The following LLGL1 variants were observed in gnomAD, a reference collection of about 807,000 sequenced individuals.
LLGL1 encodes lethal(2) giant larvae protein homolog 1.
Under a neutral mutation model 110.6 loss-of-function variants are expected in LLGL1, and 58 were observed. The observed-to-expected ratio is 0.52, with a 90% CI of 0.42 to 0.65. The LOEUF (loss-of-function observed/expected upper bound fraction) is 0.65. Ranked by LOEUF, LLGL1 falls within the 30% of genes least tolerant of loss-of-function variation. The pLI is 0.00. For missense variants in LLGL1, 1,229 were observed against 1,462.1 expected (o/e 0.84, Z 2.60); for synonymous variants, 674 against 607.2 (o/e 1.11, Z -1.62).
In LLGL1 at chr17:18,241,539, C is replaced by A. The variant is rs149935184; in HGVS notation, c.2591C>A (p.Thr864Lys). 839 of 1,613,718 alleles carry A rather than the reference C, an allele frequency of 5.2e-4. No individual in the cohort carries two copies. The highest frequency in any genetic ancestry group is 6.9e-4 in the Non-Finnish European group (810 of 1,180,026). Residue 864 changes from threonine (T) to lysine (K), a missense_variant, in exon 18 of 23, where the codon ACG (threonine) becomes AAG (lysine). Coordinates refer to ENST00000316843, the MANE Select transcript of LLGL1 (RefSeq NM_004140.4). ...GCRVRKVALA[T>K]FASVACEDYA... ...CGTGTGCGCAAGGTGGCACTGGCCACGTTTGCCAGTGTGGCCTGCGAGGAC... is the reference window on the plus strand; with the variant it reads ...CGTGTGCGCAAGGTGGCACTGGCCAAGTTTGCCAGTGTGGCCTGCGAGGAC...
At chr17:18,229,619 G>C (rs954439046) in intron 1 of LLGL1, among the ~76,000 whole-genome samples, 1 of 152,128 alleles carries the variant, frequency 6.6e-6, no homozygotes, top group African/African-American at 2.4e-5. Flanking sequence ...CCTGTTTGTT[G>C]CTGGAGCCTC....
In LLGL1 at chr17:18,225,642, G is replaced by GGGC. The variant is rs762772892; in HGVS notation, c.-29_-27dup. 460 of 937,826 alleles carry GGGC rather than the reference G, an allele frequency of 4.9e-4. No homozygotes were observed. Among genetic ancestry groups the GGGC allele is most frequent in the African/African-American group, 1.0e-3 (58 of 55,844 alleles). 58.1% of individuals were successfully genotyped at this position (937,826 alleles called of 1,614,324 possible). On this transcript the variant is annotated 5_prime_UTR_variant, in exon 1 of 23. Transcript: ENST00000316843. Reference sequence around the variant, plus strand: ...CGCGGGGCCGCGCGGCGCATCCTGCGGGCGGCGGCGGCGGGCGAGGCGCCT... The same window carrying GGGC: ...CGCGGGGCCGCGCGGCGCATCCTGCGGGCGGCGGCGGCGGCGGGCGAGGCGCCT...
intron 8 of LLGL1, 57 bp from the exon 9 acceptor site, chr17:18,234,782 C>T (rs2047653133): frequency 1.2e-6 from 2 of 1,613,596 alleles, no homozygotes; most frequent in Non-Finnish European, 8.5e-7. Context: ...CTAGGTTGTG[C>T]AGTATGTGCT....
At position 18,242,727 on chromosome 17, in the gene LLGL1, C is replaced by T. The variant is rs780295730; in HGVS notation, c.3117-16C>T. The T allele has an allele frequency of 2.6e-6, 4 of 1,565,048 alleles. No homozygotes were observed. Among genetic ancestry groups the T allele is most frequent in the East Asian group, 4.7e-5 (2 of 42,530 alleles). On this transcript the variant is annotated splice_polypyrimidine_tract_variant and intron_variant, in intron 21 of 22. Coordinates refer to ENST00000316843, the MANE Select transcript of LLGL1 (RefSeq NM_004140.4). Reference sequence around the variant, plus strand: ...CTCCCCCGCCCCCACCCCTGAGCACCATCCCCATCTCGCAGCTCCTCTGAG... The same window carrying T: ...CTCCCCCGCCCCCACCCCTGAGCACTATCCCCATCTCGCAGCTCCTCTGAG...
chr17:18,230,104 T>TGGGGTCCCA, intron 2 of LLGL1, 66 bp downstream of exon 2: 1 of 1,273,182 alleles, frequency 7.9e-7, no homozygotes, highest in Non-Finnish European at 1.1e-6. Flanking sequence ...CCCTGTGCTC[T>TGGGGTCCCA]GGGGTCCCAG....
chr17:18,242,740 C>A lies in LLGL1; in HGVS notation c.3117-3C>A. The stretch of plus-strand genomic sequence containing the variant: ...ACCCCTGAGCACCATCCCCATCTCG[C>A]AGCTCCTCTGAGGAGTCAGAGAAGA... On this transcript the variant is annotated splice_region_variant and splice_polypyrimidine_tract_variant and intron_variant, in intron 21 of 22. Transcript: ENST00000316843. 1 of 1,566,974 alleles carries A rather than the reference C, an allele frequency of 6.4e-7. No individual in the cohort carries two copies. The highest frequency in any genetic ancestry group is 8.7e-7 in the Non-Finnish European group (1 of 1,155,040).
Position 18,242,751 on chromosome 17 carries a change from AG to A in LLGL1, c.3127del (p.Glu1043SerfsTer6), listed in dbSNP as rs1555557525. On this transcript the variant is annotated frameshift_variant, in exon 22 of 23. Coordinates refer to ENST00000316843, the MANE Select transcript of LLGL1 (RefSeq NM_004140.4). LOFTEE classifies it high-confidence loss of function. ...CCATCCCCATCTCGCAGCTCCTCTG[AG>A]GAGTCAGAGAAGAACCTGAGGAACC... ...EDVKDFLGSS[E>X]ESEKNLRNLA... 1 of 1,568,714 alleles carries A rather than the reference AG, an allele frequency of 6.4e-7. No individual in the cohort carries two copies. Among genetic ancestry groups the A allele is most frequent in the Non-Finnish European group, 8.6e-7 (1 of 1,156,166 alleles).
intron 11 of LLGL1, chr17:18,236,309 G>A (rs879652177): frequency 3.7e-5 from 14 of 376,878 alleles, no homozygotes; most frequent in Non-Finnish European, 6.3e-5. Context: ...AACCCCCAAA[G>A]TCCTCTGTTC....
chr17:18,240,911 C>T lies in LLGL1; in HGVS notation c.2502+38C>T, dbSNP rs774302124. On this transcript the variant is annotated intron_variant, in intron 17 of 22. Transcript: ENST00000316843. This position sits in a 1 kb window ranked among gnomAD's most constrained non-coding sequence, Gnocchi z 5.3. ...GGGCTGTGGGGGACTCTGGGGGACT[C>T]CCCTCCAGGCCCCAACCTCATGGAC... 45 of 1,474,454 alleles carry T rather than the reference C, an allele frequency of 3.1e-5. No individual in the cohort carries two copies. In the South Asian group the frequency reaches 5.7e-4, roughly 19 times the overall value. The allele number at this position is 1,474,454 out of a possible 1,614,324, so 91.3% of individuals were successfully genotyped here. A position where few individuals can be genotyped will look rare whatever the true frequency, so the allele number is the denominator to read the frequency against.
intron 21 of LLGL1, 46 bp downstream of exon 21, chr17:18,242,674 A>C: frequency 6.3e-7 from 1 of 1,575,110 alleles, no homozygotes. Context: ...CCTGTCCCCT[A>C]GGCCTCCGTC....
Position 18,230,012 on chromosome 17 carries a change from C to G in LLGL1, c.153C>G (p.Ile51Met), listed in dbSNP as rs145857913. 1.2e-6 allele frequency: 2 copies of G among 1,611,856 alleles called. No individual in the cohort carries two copies. Among genetic ancestry groups the G allele is most frequent in the African/African-American group, 2.7e-5 (2 of 75,034 alleles). The change falls in exon 2 of 23, where the codon ATC becomes ATG. Residue 51 changes from isoleucine (I) to methionine (M), a missense_variant. By Grantham distance (10) the Ile-to-Met change is conservative. Coordinates refer to ENST00000316843, the MANE Select transcript of LLGL1 (RefSeq NM_004140.4). ...ACCCGGAACTTCGCATCATGGCCAT[C>G]GGCACCAGGTCTGGGGCTGTCAAGA... ...AFDPELRIMA[I>M]GTRSGAVKIY... is the part of the protein sequence containing the mutation.
intron 11 of LLGL1, 128 bp from the exon 12 acceptor site, chr17:18,236,453 CAGTAGGTGCCTATTGTTTTTTGTAAA>C: frequency 1.4e-6 from 1 of 701,066 alleles, no homozygotes; most frequent in Non-Finnish European, 2.4e-6. Flanking sequence ...GTGCTGTCTA[CAGTAGGTGCCTATTGTTTTTTGTAAA>C]AGTAGGATTC....
At chr17:18,229,024 A>C (rs1441109814) in intron 1 of LLGL1, among the ~76,000 whole-genome samples, 1 of 152,180 alleles carries the variant, frequency 6.6e-6, no homozygotes, top group Non-Finnish European at 1.5e-5. Context: ...GCAGTGGGTC[A>C]GGAATTACCA....
intron 22 of LLGL1, among the ~76,000 whole-genome samples, chr17:18,243,391 G>A (rs2142741504): frequency 6.6e-6 from 1 of 152,334 alleles, no homozygotes; most frequent in East Asian, 1.9e-4. Context: ...ACAGGCGTGA[G>A]CCACCGCACC....
chr17:18,227,894 G>C (rs1408505385), intron 1 of LLGL1, among the ~76,000 whole-genome samples: 1 of 152,148 alleles, frequency 6.6e-6, no homozygotes, highest in Non-Finnish European at 1.5e-5. Context: ...ATAGGTGATC[G>C]CTAGGGAATA....
At chr17:18,227,709 C>T (rs1426233084) in intron 1 of LLGL1, among the ~76,000 whole-genome samples, 1 of 152,180 alleles carries the variant, frequency 6.6e-6, no homozygotes. Flanking sequence ...ATTTCTTCAG[C>T]CAGTGAATTG....
chr17:18,229,896 G>A (rs958026784), intron 1 of LLGL1, 45 bp from the exon 2 acceptor site: 1 of 1,420,882 alleles, frequency 7.0e-7, no homozygotes, highest in Non-Finnish European at 9.7e-7. Context: ...CCATGGCAGA[G>A]GTGCCTGGGA....
chr17:18,234,417 T>C lies in LLGL1; in HGVS notation c.850+9T>C, dbSNP rs2047643269. 1 of 1,611,528 alleles carries C rather than the reference T, an allele frequency of 6.2e-7. No individual in the cohort carries two copies. The highest frequency in any genetic ancestry group is 1.1e-5 in the South Asian group (1 of 90,994). On this transcript the variant is annotated intron_variant, in intron 7 of 22. Transcript: ENST00000316843. ...AGCCACCACACCTTACGGTGAGTGC[T>C]GGGGACACCTTAGCCAGAGGGTGGT...
At chr17:18,226,967 G>A (rs2047457598) in intron 1 of LLGL1, among the ~76,000 whole-genome samples, 1 of 152,246 alleles carries the variant, frequency 6.6e-6, no homozygotes. Flanking sequence ...CGGAGTCAGA[G>A]TGAGCTGCAC....
Sources: gnomAD v4.1 joint callset for allele counts (sites outside exome capture counted in the v4.1 genomes callset) on GRCh38, gnomAD v4.1.1 for gene constraint, Gnocchi (gnomAD v3.1) non-coding constraint, MANE v1.5 for transcripts, NCBI Gene and HGNC (gene_info 2026-07-23, HGNC 2026-07-21) for gene names.